Variants in LRRTM4 observed in about 807,000 individuals in gnomAD.
The protein encoded by LRRTM4 is leucine rich repeat transmembrane neuronal 4.
LRRTM4 carries 25 observed loss-of-function variants against 47.6 expected under a neutral mutation model. The ratio of observed to expected loss-of-function variants is 0.53; its 90% CI spans 0.38 to 0.73. The LOEUF is 0.73. LRRTM4 is among the 30% of genes least tolerant of loss of function. The probability of loss-of-function intolerance (pLI) is 0.00; values close to 1 mark genes in which losing one functional copy is unlikely to be tolerated. For synonymous variants in LRRTM4, 311 were observed against 269.5 expected (o/e 1.15, Z -1.51); for missense variants, 638 against 713.4 (o/e 0.89, Z 1.20).
intron 3 of LRRTM4, among the ~76,000 whole-genome samples, chr2:76,988,026 T>C (rs948163068): frequency 6.6e-6 from 1 of 151,904 alleles, no homozygotes; most frequent in Admixed American, 6.6e-5. Flanking sequence ...GATAAAAGAA[T>C]ATTTAGAGAC....
intron 3 of LRRTM4, among the ~76,000 whole-genome samples, chr2:76,862,733 G>A (rs529377825): frequency 1.3e-5 from 2 of 152,196 alleles, no homozygotes; most frequent in Non-Finnish European, 2.9e-5. Flanking sequence ...TGTTAAACTG[G>A]ATTTTGTTGA....
intron 3 of LRRTM4, among the ~76,000 whole-genome samples, chr2:77,477,896 AG>A (rs1677477775): frequency 8.8e-6 from 1 of 113,612 alleles, no homozygotes; most frequent in Non-Finnish European, 1.8e-5. Context: ...AGAAAGAAAA[AG>A]AAAGAAAAAG....
intron 3 of LRRTM4, among the ~76,000 whole-genome samples, chr2:77,243,440 A>G (rs917315682): frequency 1.3e-5 from 2 of 149,222 alleles, no homozygotes; most frequent in Non-Finnish European, 3.0e-5. Flanking sequence ...AAAATAAAAA[A>G]AAAAGATAAA....
At chr2:77,397,450 C>T (rs754840755) in intron 3 of LRRTM4, among the ~76,000 whole-genome samples, 31 of 151,846 alleles carry the variant, frequency 2.0e-4, no homozygotes, top group African/African-American at 5.5e-4. Flanking sequence ...GAGACTTGAT[C>T]GCCCACAGGA....
intron 3 of LRRTM4, among the ~76,000 whole-genome samples, chr2:77,503,045 T>G (rs1288775286): frequency 1.5e-4 from 21 of 138,356 alleles, no homozygotes; most frequent in Admixed American, 9.4e-4. Flanking sequence ...TCATTCAGGG[T>G]TTTTTTTTTT....
chr2:76,784,260 TAC>T (rs1194381321), intron 3 of LRRTM4, among the ~76,000 whole-genome samples: 2 of 152,196 alleles, frequency 1.3e-5, no homozygotes, highest in African/African-American at 4.8e-5. Context: ...TAAATCATAG[TAC>T]ATTAAGCGAT....
At chr2:77,285,094 T>G (rs1676612726) in intron 3 of LRRTM4, among the ~76,000 whole-genome samples, 1 of 151,918 alleles carries the variant, frequency 6.6e-6, no homozygotes, top group African/African-American at 2.4e-5. Flanking sequence ...AAACCTCTGA[T>G]ATCTGTAAAA....
rs146545902 is a variant in LRRTM4 at position 77,287,087 on chromosome 2, A to G, written c.1551+231231T>C. Among the ~76,000 whole-genome samples the G allele has an allele frequency of 1.5e-3, 231 of 152,212 alleles. 3 individuals are homozygous for G. In the East Asian group the frequency reaches 0.023, roughly 15 times the overall value. On this transcript the variant is annotated intron_variant, in intron 3 of 3. Coordinates refer to ENST00000409884, the MANE Select transcript of LRRTM4 (RefSeq NM_001134745.3). Reference sequence around the variant, plus strand: ...TGATACGTTCGAGGCCACAGTGCCAAAAGAAGGACCTCTGTATCATTCACT... The same window carrying G: ...TGATACGTTCGAGGCCACAGTGCCAGAAGAAGGACCTCTGTATCATTCACT...
intron 3 of LRRTM4, among the ~76,000 whole-genome samples, chr2:76,807,382 T>TTATATA (rs72365054): frequency 0.016 from 1,974 of 126,784 alleles, 108 homozygotes; most frequent in Admixed American, 0.081. Context: ...AACATTCATT[T>TTATATA]TATATATATA....
At chr2:76,795,036 A>G (rs1163416185) in intron 3 of LRRTM4, among the ~76,000 whole-genome samples, 3 of 152,240 alleles carry the variant, frequency 2.0e-5, no homozygotes, top group Non-Finnish European at 4.4e-5. Flanking sequence ...AAATAAAGAT[A>G]CTTCTGTATG....
At chr2:77,008,755 T>G (rs1388862542) in intron 3 of LRRTM4, among the ~76,000 whole-genome samples, 1 of 152,092 alleles carries the variant, frequency 6.6e-6, no homozygotes, top group Non-Finnish European at 1.5e-5. Flanking sequence ...GATTTCCAAA[T>G]GTACCATTTT....
At chr2:76,786,966 C>T (rs1424463472) in intron 3 of LRRTM4, among the ~76,000 whole-genome samples, 2 of 151,934 alleles carry the variant, frequency 1.3e-5, no homozygotes, top group East Asian at 1.9e-4. Flanking sequence ...ACAAAATTTA[C>T]CTACATTTTT....
intron 3 of LRRTM4, among the ~76,000 whole-genome samples, chr2:77,089,927 CA>C (rs200265326): frequency 0.018 from 2,720 of 152,232 alleles, 57 homozygotes; most frequent in African/African-American, 0.056. Flanking sequence ...TCTCTGTGCC[CA>C]GTGCAACTCA....
At chr2:77,381,595 T>C (rs1428525425) in intron 3 of LRRTM4, among the ~76,000 whole-genome samples, 1 of 152,012 alleles carries the variant, frequency 6.6e-6, no homozygotes, top group Non-Finnish European at 1.5e-5. Flanking sequence ...AACACAAACA[T>C]TTATCTTCAT....
At chr2:76,827,005 G>A (rs17013231) in intron 3 of LRRTM4, among the ~76,000 whole-genome samples, 60,388 of 151,660 alleles carry the variant, frequency 0.4, 13,497 homozygotes, top group East Asian at 0.69. Context: ...CCTTGTGCAC[G>A]TCCTTCTCGT....
At chr2:76,791,860 T>A (rs1165161925) in intron 3 of LRRTM4, among the ~76,000 whole-genome samples, 1 of 152,162 alleles carries the variant, frequency 6.6e-6, no homozygotes, top group Non-Finnish European at 1.5e-5. Flanking sequence ...GTTTCCAATA[T>A]GAAATAGACT....
At chr2:77,499,498 G>T (rs937204326) in intron 3 of LRRTM4, among the ~76,000 whole-genome samples, 1 of 151,788 alleles carries the variant, frequency 6.6e-6, no homozygotes, top group Non-Finnish European at 1.5e-5. Flanking sequence ...TAGGAATAAA[G>T]AATTCAAAAT....
intron 3 of LRRTM4, among the ~76,000 whole-genome samples, chr2:76,833,648 A>G (rs1268755509): frequency 9.2e-5 from 14 of 152,084 alleles, no homozygotes; most frequent in East Asian, 1.9e-4. Flanking sequence ...ATATTTGTAA[A>G]ATTCTAAATT....
intron 3 of LRRTM4, among the ~76,000 whole-genome samples, chr2:76,967,743 A>G (rs1263440820): frequency 6.6e-6 from 1 of 151,484 alleles, no homozygotes; most frequent in African/African-American, 2.4e-5. Context: ...CATTCTTTGC[A>G]GCTCAGATTT....
Sources: allele counts gnomAD v4.1 joint callset (sites outside exome capture counted in the v4.1 genomes callset), GRCh38; gene constraint gnomAD v4.1.1; transcripts MANE v1.5; gene names NCBI Gene and HGNC (gene_info 2026-07-23, HGNC 2026-07-21).